Variants in SS18 observed in about 807,000 individuals in gnomAD.
SS18 encodes SS18 subunit of BAF chromatin remodeling complex, also known as protein SSXT.
In SS18, 28 loss-of-function variants were observed where a neutral mutation model predicts 72.5. The observed-to-expected ratio is 0.39, with a 90% CI of 0.29 to 0.53. SS18 has a LOEUF of 0.53. Among genes scored for constraint, SS18 ranks in the 20% least tolerant of loss-of-function variants. The pLI, the probability that SS18 is intolerant of heterozygous loss-of-function variation, is 0.76. For synonymous variants in SS18, 172 were observed against 164.2 expected (o/e 1.05, Z -0.37); for missense variants, 518 against 535.3 (o/e 0.97, Z 0.32).
chr18:26,032,322 T>C (rs2053557211), intron 10 of SS18, 77 bp downstream of exon 10: 1 of 1,543,762 alleles, frequency 6.5e-7, no homozygotes. Context: ...TCAAGTTAAA[T>C]AAATTTTAAA....
Position 26,035,830 on chromosome 18 carries a change from C to A in SS18, c.973+1G>T. ...GTATGTGTGTGAAGGTATATAGATA[C>A]CTCCTTCGTAGTAATGTTGTGAGGA... On this transcript the variant is annotated splice_donor_variant, in intron 8 of 10. Coordinates refer to ENST00000415083, the MANE Select transcript of SS18 (RefSeq NM_001007559.3). LOFTEE classifies it high-confidence loss of function. The surrounding 1 kb of genome is among the most constrained non-coding windows in gnomAD (Gnocchi z 4.4). The A allele has an allele frequency of 6.3e-7, 1 of 1,589,950 alleles. No individual in the cohort carries two copies. The highest frequency in any genetic ancestry group is 8.6e-7 in the Non-Finnish European group (1 of 1,164,238).
chr18:26,058,596 CAGTT>C (rs1439693888), intron 3 of SS18, among the ~76,000 whole-genome samples: 2 of 152,166 alleles, frequency 1.3e-5, no homozygotes, highest in Admixed American at 1.3e-4. Context: ...TAAAAATGGC[CAGTT>C]ACTGTATGCC....
At chr18:26,022,508 A>G (rs1481729881) in intron 10 of SS18, among the ~76,000 whole-genome samples, 1 of 151,824 alleles carries the variant, frequency 6.6e-6, no homozygotes, top group Non-Finnish European at 1.5e-5. Context: ...CCAACAAAGG[A>G]CAATGATCCC....
At chr18:26,079,147 C>T (rs1363732540) in intron 2 of SS18, 2 of 152,120 alleles carry the variant, frequency 1.3e-5, no homozygotes, top group Admixed American at 1.3e-4. Context: ...AAGAGATATG[C>T]TAAAACAAAA....
chr18:26,046,408 T>C (rs1418444181), intron 5 of SS18, among the ~76,000 whole-genome samples: 3 of 152,104 alleles, frequency 2.0e-5, no homozygotes, highest in East Asian at 3.8e-4. Context: ...GCATCCAACA[T>C]TTTATCCTTT....
At chr18:26,022,275 A>G (rs1432910605) in intron 10 of SS18, among the ~76,000 whole-genome samples, 1 of 152,184 alleles carries the variant, frequency 6.6e-6, no homozygotes, top group South Asian at 2.1e-4. Flanking sequence ...CAACAGTAAT[A>G]AAAACAGACA....
intron 10 of SS18, among the ~76,000 whole-genome samples, chr18:26,027,932 T>C (rs1180904650): frequency 6.6e-6 from 1 of 151,880 alleles, no homozygotes; most frequent in African/African-American, 2.4e-5. Context: ...AAAAGCATAA[T>C]CCATAAAGAA....
intron 2 of SS18, among the ~76,000 whole-genome samples, chr18:26,079,571 G>T (rs1043082372): frequency 6.6e-6 from 1 of 152,090 alleles, no homozygotes; most frequent in African/African-American, 2.4e-5. Flanking sequence ...TTTTTCTTTT[G>T]TTCGTTTTTG....
chr18:26,031,732 CAG>C (rs749025258), intron 10 of SS18, among the ~76,000 whole-genome samples: 34 of 152,052 alleles, frequency 2.2e-4, no homozygotes, highest in Non-Finnish European at 4.0e-4. Context: ...AGAAGAATGA[CAG>C]GGGAGAAATA....
At chr18:26,079,806 C>G (rs1335094316) in intron 2 of SS18, among the ~76,000 whole-genome samples, 1 of 152,172 alleles carries the variant, frequency 6.6e-6, no homozygotes, top group African/African-American at 2.4e-5. Context: ...CTCTCAAACT[C>G]CTGAGCTCAA....
chr18:26,078,030 G>A (rs768901795), intron 3 of SS18, 46 bp downstream of exon 3: 1 of 1,420,178 alleles, frequency 7.0e-7, no homozygotes, highest in South Asian at 1.2e-5. Context: ...CATACCATAT[G>A]TAACTATAAA....
chr18:26,081,847 T>C (rs2054529625), intron 2 of SS18, among the ~76,000 whole-genome samples: 1 of 152,054 alleles, frequency 6.6e-6, no homozygotes, highest in Admixed American at 6.6e-5. Context: ...CGCTTAAGCC[T>C]AGGAGTTCAA....
chr18:26,090,769 G>C, upstream of SS18: 1 of 612,856 alleles, frequency 1.6e-6, no homozygotes, highest in Non-Finnish European at 2.9e-6. Flanking sequence ...CACTCTGGGG[G>C]ACCCCTAGCC....
rs985906225 is a variant in SS18, at chr18:26,086,886, T to TA, written c.146+614dup. On this transcript the variant is annotated intron_variant, in intron 2 of 10. Transcript: ENST00000415083. ...ATTGTATAATGCAGGGTAAGAAGTA[T>TA]AAGAAACGAAGTGATACCCAATCTC... is the stretch of plus-strand genomic sequence containing the variant. 1.6e-4 allele frequency among the ~76,000 whole-genome samples: 24 copies of TA among 152,312 alleles called. 1 individual carries two copies. The highest frequency in any genetic ancestry group is 1.2e-3 in the Admixed American group (18 of 15,296).
At chr18:26,055,563 G>A (rs2054002866) in intron 4 of SS18, among the ~76,000 whole-genome samples, 1 of 152,076 alleles carries the variant, frequency 6.6e-6, no homozygotes, top group South Asian at 2.1e-4. Context: ...CTAAAACTGA[G>A]TCTACATAAT....
At chr18:26,040,882 C>T (rs1022681369) in intron 5 of SS18, among the ~76,000 whole-genome samples, 2 of 152,082 alleles carry the variant, frequency 1.3e-5, no homozygotes, top group Middle Eastern at 3.4e-3. Flanking sequence ...AGAGTAGAGG[C>T]GAAGAGAACT....
At position 26,063,206 on chromosome 18, in the gene SS18, C is replaced by G. The variant is rs141021735; in HGVS notation, c.232-5464G>C. ...GGAATTAAATTAGAAATCAGTAGGC[C>G]GGGCACAGTGGAATTAAATTAGAAA... On this transcript the variant is annotated intron_variant, in intron 3 of 10. Coordinates refer to ENST00000415083, the MANE Select transcript of SS18 (RefSeq NM_001007559.3). 4.0e-4 allele frequency among the ~76,000 whole-genome samples: 57 copies of G among 143,118 alleles called. No homozygotes were observed. The South Asian group carries it at 0.012, about 29-fold the overall frequency. 93.9% of individuals were successfully genotyped at this position (143,118 alleles called of 152,430 possible). A position where few individuals can be genotyped will look rare whatever the true frequency, so the allele number is the denominator to read the frequency against.
chr18:26,081,173 A>G (rs886230529), intron 2 of SS18: 5 of 149,368 alleles, frequency 3.3e-5, no homozygotes, highest in African/African-American at 1.2e-4. Flanking sequence ...GCATTATTTT[A>G]TAGCATTCAT....
chr18:26,080,249 C>T lies in SS18; in HGVS notation c.147-2089G>A, dbSNP rs1480890307. ...GGAAGGAACTTAAAATATAGTGTTC[C>T]ATATCTTGCCATTTTTTAAAAAACC... On this transcript the variant is annotated intron_variant, in intron 2 of 10. Coordinates refer to ENST00000415083, the MANE Select transcript of SS18 (RefSeq NM_001007559.3). 6.3e-6 allele frequency: 4 copies of T among 634,196 alleles called. No homozygotes were observed. The South Asian group carries it at 2.8e-4, about 44-fold the overall frequency. 39.3% of individuals were successfully genotyped at this position (634,196 alleles called of 1,614,324 possible).
Sources: gnomAD v4.1 joint callset for allele counts (sites outside exome capture counted in the v4.1 genomes callset) on GRCh38, gnomAD v4.1.1 for gene constraint, Gnocchi (gnomAD v3.1) non-coding constraint, MANE v1.5 for transcripts, NCBI Gene and HGNC (gene_info 2026-07-23, HGNC 2026-07-21) for gene names.